Variants in TTC6 observed in about 807,000 individuals in gnomAD.
TTC6 encodes the protein tetratricopeptide repeat domain 6.
TTC6 carries 172 observed loss-of-function variants against 210.4 expected under a neutral mutation model. The ratio of observed to expected loss-of-function variants is 0.82; its 90% confidence interval spans 0.72 to 0.93. The LOEUF (loss-of-function observed/expected upper bound fraction) is 0.93, where lower values mean the gene tolerates loss of function less well. Among genes scored for constraint, TTC6 ranks in the 40% least tolerant of loss-of-function variants. The probability of loss-of-function intolerance (pLI) is 0.00; values close to 1 mark genes in which losing one functional copy is unlikely to be tolerated. For missense variants in TTC6, 2,414 were observed against 2,318.1 expected (o/e 1.04, Z -0.85); for synonymous variants, 804 against 819.6 (o/e 0.98, Z 0.32).
At chr14:37,644,644 C>T (rs2095698363) in intron 1 of TTC6, among the ~76,000 whole-genome samples, 1 of 152,174 alleles carries the variant, frequency 6.6e-6, no homozygotes, top group Non-Finnish European at 1.5e-5. Context: ...TGGCGATACA[C>T]CTTGTGTAGA....
At chr14:37,662,179 C>T (rs1225286089) in intron 1 of TTC6, among the ~76,000 whole-genome samples, 1 of 152,166 alleles carries the variant, frequency 6.6e-6, no homozygotes, top group Non-Finnish European at 1.5e-5. Flanking sequence ...GCCAGAACTT[C>T]CAATACTATG....
chr14:37,620,737 A>G (rs1317062124), upstream of TTC6, among the ~76,000 whole-genome samples: 1 of 152,252 alleles, frequency 6.6e-6, no homozygotes. Flanking sequence ...AGTGAATAAC[A>G]GAAGTTTTAT....
intron 1 of TTC6, among the ~76,000 whole-genome samples, chr14:37,635,804 C>T (rs1200748229): frequency 1.3e-5 from 2 of 151,650 alleles, no homozygotes; most frequent in East Asian, 1.9e-4. Context: ...CATGGTGAAA[C>T]CCTGTCTCTA....
intron 14 of TTC6, among the ~76,000 whole-genome samples, chr14:37,784,896 G>T (rs945235030): frequency 6.6e-6 from 1 of 152,152 alleles, no homozygotes; most frequent in Non-Finnish European, 1.5e-5. Context: ...TGTTTGGCTG[G>T]ATATGAAATT....
At chr14:37,759,211 C>T (rs552710448) in intron 14 of TTC6, among the ~76,000 whole-genome samples, 10 of 149,232 alleles carry the variant, frequency 6.7e-5, no homozygotes, top group South Asian at 2.1e-4. Flanking sequence ...TGCAATGAGC[C>T]GAGATCGCAC....
At chr14:37,718,082 A>T (rs2095855515) in intron 6 of TTC6, among the ~76,000 whole-genome samples, 1 of 152,252 alleles carries the variant, frequency 6.6e-6, no homozygotes, top group Non-Finnish European at 1.5e-5. Context: ...TTTATTCTTT[A>T]TAAATTACCC....
At chr14:37,749,797 T>C in exon 12 of TTC6, 1 of 1,463,046 alleles carries the variant, frequency 6.8e-7, no homozygotes, top group South Asian at 1.4e-5. Context: ...TTAATGAAGC[T>C]TTGGATGACT....
chr14:37,695,040 C>CAAAA (rs57506038), intron 3 of TTC6, among the ~76,000 whole-genome samples: 15 of 57,248 alleles, frequency 2.6e-4, no homozygotes, highest in African/African-American at 7.3e-4. Flanking sequence ...GGCCCTGTCT[C>CAAAA]AAAAAAAAAA....
At chr14:37,648,064 G>C (rs2095704809) in intron 1 of TTC6, among the ~76,000 whole-genome samples, 1 of 152,010 alleles carries the variant, frequency 6.6e-6, no homozygotes, top group African/African-American at 2.4e-5. Flanking sequence ...TTTTATTGCT[G>C]TTGTACATGG....
At chr14:37,817,516 A>G in intron 25 of TTC6, 62 bp from the exon 28 acceptor site, 1 of 1,429,090 alleles carries the variant, frequency 7.0e-7, no homozygotes, top group Non-Finnish European at 9.8e-7. Flanking sequence ...GTTAGAAGGA[A>G]GTTTAAGATA....
In TTC6 at chr14:37,677,938, CTT is replaced by C. The variant is rs558840800; in HGVS notation, c.940-2212_940-2211del. 1.4e-3 allele frequency among the ~76,000 whole-genome samples: 215 copies of C among 152,124 alleles called. 1 individual carries two copies. The highest frequency in any genetic ancestry group is 4.8e-3 in the African/African-American group (198 of 41,526). ...TTACATTTTTATTTAATGTTGAACA[CTT>C]ATAATATTTATATTAGAAGTTTAAG... is the stretch of plus-strand genomic sequence containing the variant. On this transcript the variant is annotated intron_variant, in intron 1 of 30. Coordinates refer to ENST00000553443, the Ensembl canonical transcript of TTC6.
intron 6 of TTC6, among the ~76,000 whole-genome samples, chr14:37,715,761 G>T (rs148985801): frequency 6.6e-6 from 1 of 152,022 alleles, no homozygotes; most frequent in Non-Finnish European, 1.5e-5. Context: ...TATCCTTTAG[G>T]AATAAAGGAA....
chr14:37,622,175 G>A (rs2095652132), exon 1 of TTC6: 1 of 1,535,414 alleles, frequency 6.5e-7, no homozygotes, highest in Admixed American at 2.0e-5. Flanking sequence ...TCCGATTCAA[G>A]CAGAAGTTGG....
At chr14:37,765,391 G>A (rs1243348067) in intron 14 of TTC6, among the ~76,000 whole-genome samples, 3 of 146,992 alleles carry the variant, frequency 2.0e-5, no homozygotes, top group East Asian at 2.0e-4. Context: ...TTGTAACCCA[G>A]GTTAGTTTCA....
chr14:37,769,853 T>C (rs1287590537), intron 14 of TTC6, among the ~76,000 whole-genome samples: 1 of 152,110 alleles, frequency 6.6e-6, no homozygotes, highest in African/African-American at 2.4e-5. Context: ...AGCTTTTGAA[T>C]GTGTTTGCTC....
chr14:37,611,649 C>A (rs1046641716), intron 2 of TTC6, among the ~76,000 whole-genome samples: 1 of 151,800 alleles, frequency 6.6e-6, no homozygotes, highest in Non-Finnish European at 1.5e-5. Flanking sequence ...GCTGTGGGGA[C>A]AAGAGAAAAA....
chr14:37,701,537 C>A lies in TTC6; in HGVS notation c.1571+11C>A. The stretch of plus-strand genomic sequence containing the variant: ...AGAACAAACAGATAGGTAAGAGTTC[C>A]ACTGGTAATTTGATTTTAAGCTAAA... On this transcript the variant is annotated intron_variant, in intron 5 of 30. Coordinates refer to ENST00000553443, the Ensembl canonical transcript of TTC6. 7.1e-7 allele frequency: 1 copy of A among 1,417,582 alleles called. No homozygotes were observed. The highest frequency in any genetic ancestry group is 1.6e-5 in the South Asian group (1 of 63,882). 87.8% of individuals were successfully genotyped at this position (1,417,582 alleles called of 1,614,324 possible).
chr14:37,707,862 A>G (rs2095838358), intron 5 of TTC6, among the ~76,000 whole-genome samples: 1 of 152,138 alleles, frequency 6.6e-6, no homozygotes, highest in South Asian at 2.1e-4. Context: ...TGGAGGTATT[A>G]GAATAGTACT....
intron 1 of TTC6, among the ~76,000 whole-genome samples, chr14:37,647,233 G>GC (rs2095703206): frequency 6.6e-6 from 1 of 152,210 alleles, no homozygotes; most frequent in Non-Finnish European, 1.5e-5. Flanking sequence ...AGGGTTTTGA[G>GC]CAGGGACATG....
Sources: gnomAD v4.1 joint callset for allele counts (sites outside exome capture counted in the v4.1 genomes callset) on GRCh38, gnomAD v4.1.1 for gene constraint, MANE v1.5 for transcripts, NCBI Gene and HGNC (gene_info 2026-07-23, HGNC 2026-07-21) for gene names.